NCAM1: variants seen among roughly 807,000 people sequenced by gnomAD.
NCAM1 encodes the protein antigen recognized by monoclonal antibody 5.1H11.
A neutral mutation model predicts 109.8 loss-of-function variants in NCAM1; 14 were observed. The ratio of observed to expected loss-of-function variants is 0.13; its 90% confidence interval spans 0.08 to 0.20. NCAM1 has a LOEUF of 0.20. Ranked by LOEUF, NCAM1 falls within the 10% of genes least tolerant of loss-of-function variation. The probability of loss-of-function intolerance (pLI) is 1.00; values close to 1 mark genes in which losing one functional copy is unlikely to be tolerated. For synonymous variants in NCAM1, 418 were observed against 442.9 expected (o/e 0.94, Z 0.70); for missense variants, 774 against 1,109.9 (o/e 0.70, Z 4.30).
intron 1 of NCAM1, among the ~76,000 whole-genome samples, chr11:113,140,932 T>C (rs1449989835): frequency 1.3e-5 from 2 of 152,210 alleles, no homozygotes; most frequent in African/African-American, 4.8e-5. Context: ...CAGATGTTAT[T>C]AAATCATTGT....
chr11:113,221,934 A>T (rs1944704335), intron 9 of NCAM1: 1 of 152,356 alleles, frequency 6.6e-6, no homozygotes, highest in Non-Finnish European at 1.5e-5. Context: ...TATGTTTTTT[A>T]AAGTCAGTAG....
In NCAM1 at chr11:113,233,108, C is replaced by T. The variant is rs781984431; in HGVS notation, c.1523-39C>T. ...TGAGAGTTAATGGTCTTGGGCCAAA[C>T]TGGGCTCACCTGAGTCTCCATATGT... is the stretch of plus-strand genomic sequence containing the variant. On this transcript the variant is annotated intron_variant, in intron 12 of 19. Coordinates refer to ENST00000316851, the MANE Select transcript of NCAM1 (RefSeq NM_181351.5). This position sits in a 1 kb window ranked among gnomAD's most constrained non-coding sequence, Gnocchi z 4.5. 15 of 1,588,956 alleles carry T rather than the reference C, an allele frequency of 9.4e-6. No homozygotes were observed. The Admixed American group carries it at 1.6e-4, about 16-fold the overall frequency.
intron 1 of NCAM1, among the ~76,000 whole-genome samples, chr11:112,976,594 T>C (rs760357178): frequency 1.3e-5 from 2 of 151,902 alleles, no homozygotes; most frequent in Non-Finnish European, 2.9e-5. Flanking sequence ...ATGTCTGGAA[T>C]GACTTGTTGA....
intron 1 of NCAM1, among the ~76,000 whole-genome samples, chr11:112,986,782 TTC>T (rs571274399): frequency 8.6e-5 from 13 of 152,032 alleles, no homozygotes; most frequent in African/African-American, 3.1e-4. Context: ...TATTTCATTC[TTC>T]TCTCTCTTTT....
intron 1 of NCAM1, among the ~76,000 whole-genome samples, chr11:113,050,326 G>A (rs1591282770): frequency 6.6e-6 from 1 of 152,268 alleles, no homozygotes; most frequent in Admixed American, 6.5e-5. Flanking sequence ...AGACCAGAAA[G>A]ACTGAAAAAC....
rs1555062779 is a variant in NCAM1 at position 112,961,490 on chromosome 11, C to A, written c.-123C>A. 1.3e-6 allele frequency: 1 copy of A among 796,134 alleles called. No individual in the cohort carries two copies. The highest frequency in any genetic ancestry group is 2.3e-6 in the Non-Finnish European group (1 of 433,190). 49.3% of individuals were successfully genotyped at this position (796,134 alleles called of 1,614,324 possible). On this transcript the variant is annotated 5_prime_UTR_variant, in exon 1 of 20. Transcript: ENST00000316851. Reference sequence around the variant, plus strand: ...CAGGAAACAATTCTGCAAAAATAATCATACTCAGCCTGGCAATTGTCTGCC... The same window carrying A: ...CAGGAAACAATTCTGCAAAAATAATAATACTCAGCCTGGCAATTGTCTGCC...
At chr11:113,162,730 T>G (rs1942642172) in intron 1 of NCAM1, among the ~76,000 whole-genome samples, 1 of 152,200 alleles carries the variant, frequency 6.6e-6, no homozygotes, top group Admixed American at 6.5e-5. Flanking sequence ...GATTCTGCCC[T>G]GTTTGTTCTT....
chr11:113,242,310 T>C (rs2137389400), intron 14 of NCAM1, among the ~76,000 whole-genome samples: 1 of 152,296 alleles, frequency 6.6e-6, no homozygotes, highest in East Asian at 1.9e-4. Flanking sequence ...AATATGTATA[T>C]TAAGAGTCTT....
intron 1 of NCAM1, among the ~76,000 whole-genome samples, chr11:113,178,472 C>T (rs1943235877): frequency 6.6e-6 from 1 of 152,206 alleles, no homozygotes; most frequent in African/African-American, 2.4e-5. Context: ...CACATGCCAA[C>T]CGTCTGGAAG....
chr11:113,258,274 GC>G (rs1253074938), intron 16 of NCAM1, among the ~76,000 whole-genome samples: 1 of 152,206 alleles, frequency 6.6e-6, no homozygotes, highest in Non-Finnish European at 1.5e-5. Flanking sequence ...GACTTCTCAG[GC>G]CTTCTTCCAC....
In NCAM1 at chr11:113,277,759, C is replaced by T. The variant is rs1446406311; in HGVS notation, c.*2372C>T. 2.8e-5 allele frequency: 6 copies of T among 217,230 alleles called. No individual in the cohort carries two copies. Among genetic ancestry groups the T allele is most frequent in the African/African-American group, 1.4e-4 (6 of 42,006 alleles). 13.5% of individuals were successfully genotyped at this position (217,230 alleles called of 1,614,324 possible). A position where few individuals can be genotyped will look rare whatever the true frequency, so the allele number is the denominator to read the frequency against. ...TGACCCCCTAGAACCCTGGCTCTGC[C>T]ATTAGCTAGGACCTAAGACTCTGCC... On this transcript the variant is annotated 3_prime_UTR_variant, in exon 20 of 20. Transcript: ENST00000316851.
At chr11:113,151,156 CTG>C (rs1555102400) in intron 1 of NCAM1, among the ~76,000 whole-genome samples, 2 of 152,214 alleles carry the variant, frequency 1.3e-5, no homozygotes, top group East Asian at 3.8e-4. Context: ...AATAATGAAT[CTG>C]TCAGTCCTCT....
At chr11:113,176,796 C>A (rs1424691232) in intron 1 of NCAM1, among the ~76,000 whole-genome samples, 10 of 152,040 alleles carry the variant, frequency 6.6e-5, no homozygotes, top group African/African-American at 2.2e-4. Context: ...TAACAAATTC[C>A]TAAAGGCAAA....
At position 113,025,765 on chromosome 11, in the gene NCAM1, C is replaced by T. The variant is rs570872884; in HGVS notation, c.52+64101C>T. On this transcript the variant is annotated intron_variant, in intron 1 of 19. Coordinates refer to ENST00000316851, the MANE Select transcript of NCAM1 (RefSeq NM_181351.5). ...TCTGATATTGGAAATGAGATTGGAA[C>T]GACACAGGGAGCCGAGAGAGAGAGA... is the stretch of plus-strand genomic sequence containing the variant. 4.0e-3 allele frequency among the ~76,000 whole-genome samples: 459 copies of T among 115,972 alleles called. 5 individuals are homozygous for T. The highest frequency in any genetic ancestry group is 0.014 in the African/African-American group (402 of 29,342). The allele number at this position is 115,972 out of a possible 152,430, so 76.1% of individuals were successfully genotyped here. A position where few individuals can be genotyped will look rare whatever the true frequency, so the allele number is the denominator to read the frequency against.
At chr11:113,090,256 C>T (rs1330840668) in intron 1 of NCAM1, among the ~76,000 whole-genome samples, 1 of 152,190 alleles carries the variant, frequency 6.6e-6, no homozygotes, top group African/African-American at 2.4e-5. Flanking sequence ...AGGTAACATT[C>T]ATGATGACTT....
rs782605842 is a variant in NCAM1, at chr11:112,961,559, G to GA, written c.-54_-53insA. 3.5e-6 allele frequency: 4 copies of GA among 1,136,848 alleles called. No homozygotes were observed. Among genetic ancestry groups the GA allele is most frequent in the East Asian group, 2.3e-5 (1 of 42,640 alleles). The allele number at this position is 1,136,848 out of a possible 1,614,324, so 70.4% of individuals were successfully genotyped here. On this transcript the variant is annotated 5_prime_UTR_variant, in exon 1 of 20. Transcript: ENST00000316851. ...CCGCCGTCCACACTCGCTGCAGGGG[G>GA]GGGGGCACAGAATTTACCGCGGCAA...
chr11:113,077,350 A>G (rs1938574125), intron 1 of NCAM1, among the ~76,000 whole-genome samples: 1 of 152,196 alleles, frequency 6.6e-6, no homozygotes, highest in Non-Finnish European at 1.5e-5. Flanking sequence ...GAAGAAGAGC[A>G]AGCCAAGAAG....
chr11:113,072,310 G>A (rs1239213615), intron 1 of NCAM1, among the ~76,000 whole-genome samples: 2 of 152,190 alleles, frequency 1.3e-5, no homozygotes, highest in African/African-American at 2.4e-5. Flanking sequence ...AAGCCAAAGG[G>A]CACTGTCGTA....
intron 15 of NCAM1, among the ~76,000 whole-genome samples, chr11:113,251,016 G>T (rs535339568): frequency 8.5e-5 from 13 of 152,256 alleles, no homozygotes; most frequent in African/African-American, 2.9e-4. Flanking sequence ...GGCCAGGCTG[G>T]TCTTGAACTC....
Sources: gnomAD v4.1 joint callset for allele counts (sites outside exome capture counted in the v4.1 genomes callset) on GRCh38, gnomAD v4.1.1 for gene constraint, Gnocchi (gnomAD v3.1) non-coding constraint, MANE v1.5 for transcripts, NCBI Gene and HGNC (gene_info 2026-07-23, HGNC 2026-07-21) for gene names.